The following SIK3 variants were observed in gnomAD, a reference collection of about 807,000 sequenced individuals.
SIK3 encodes the protein serine/threonine-protein kinase SIK3.
SIK3 carries 28 observed loss-of-function variants against 144.2 expected under a neutral mutation model. The ratio of observed to expected loss-of-function variants is 0.19; its 90% CI spans 0.14 to 0.27. The LOEUF (loss-of-function observed/expected upper bound fraction) is 0.27, where lower values mean the gene tolerates loss of function less well. Ranked by LOEUF, SIK3 falls within the 10% of genes least tolerant of loss-of-function variation. The pLI is 1.00. For missense variants in SIK3, 1,319 were observed against 1,776.0 expected, an observed-to-expected ratio of 0.74 and a Z score of 4.62; for synonymous variants, 686 against 676.3, an observed-to-expected ratio of 1.01 and a Z score of -0.22.
At chr11:117,065,466 A>G (rs1953969279) in intron 1 of SIK3, among the ~76,000 whole-genome samples, 1 of 152,218 alleles carries the variant, frequency 6.6e-6, no homozygotes, top group Admixed American at 6.5e-5. Flanking sequence ...TTTTGAAAAC[A>G]ATCCATGAAA....
At chr11:117,093,961 G>A (rs532563428) in intron 1 of SIK3, among the ~76,000 whole-genome samples, 11 of 152,206 alleles carry the variant, frequency 7.2e-5, no homozygotes, top group East Asian at 1.9e-4. Context: ...ATCTGATAAC[G>A]ATGATGATGA....
At chr11:116,932,441 T>A (rs1368260240) in intron 3 of SIK3, among the ~76,000 whole-genome samples, 4 of 152,324 alleles carry the variant, frequency 2.6e-5, no homozygotes, top group Admixed American at 1.3e-4. Context: ...TAGTTCTATG[T>A]CACTTTATCA....
At chr11:117,040,291 C>T (rs941750698) in intron 1 of SIK3, among the ~76,000 whole-genome samples, 6 of 152,148 alleles carry the variant, frequency 3.9e-5, no homozygotes, top group Admixed American at 1.3e-4. Flanking sequence ...GAGTAAGTTA[C>T]TCTACTTCTT....
chr11:117,046,071 T>C (rs1476962537), intron 1 of SIK3, among the ~76,000 whole-genome samples: 1 of 152,230 alleles, frequency 6.6e-6, no homozygotes, highest in East Asian at 1.9e-4. Context: ...TCATTGGTGG[T>C]AAGTGCAGTG....
Position 116,867,331 on chromosome 11 carries a change from T to G in SIK3, c.1952+615A>C, listed in dbSNP as rs943803339. Among the ~76,000 whole-genome samples, 4 of 152,246 alleles carry G rather than the reference T, an allele frequency of 2.6e-5. No homozygotes were observed. The highest frequency in any genetic ancestry group is 4.8e-5 in the African/African-American group (2 of 41,472). ...TGCTTCCAGGCTTACTTGGAGTCAATGAAGTTTTCTTGGTCAGGAAGGTTA... is the reference window on the plus strand; with the variant it reads ...TGCTTCCAGGCTTACTTGGAGTCAAGGAAGTTTTCTTGGTCAGGAAGGTTA... On this transcript the variant is annotated intron_variant, in intron 15 of 24. Coordinates refer to ENST00000445177, the MANE Select transcript of SIK3 (RefSeq NM_001366686.3). The surrounding 1 kb of genome is among the most constrained non-coding windows in gnomAD (Gnocchi z 4.1).
intron 6 of SIK3, among the ~76,000 whole-genome samples, chr11:116,892,867 A>AT (rs1364265255): frequency 6.6e-6 from 1 of 152,224 alleles, no homozygotes; most frequent in Non-Finnish European, 1.5e-5. Context: ...GCAAGGAAAT[A>AT]TTATTCAGTG....
intron 1 of SIK3, among the ~76,000 whole-genome samples, chr11:116,988,530 C>T (rs1950398704): frequency 6.6e-6 from 1 of 152,110 alleles, no homozygotes. Flanking sequence ...CCTATAATCC[C>T]AGCACTTTGG....
chr11:117,007,113 C>T (rs548503531), intron 1 of SIK3, among the ~76,000 whole-genome samples: 10 of 152,360 alleles, frequency 6.6e-5, no homozygotes, highest in Non-Finnish European at 1.5e-4. Context: ...CACAGTGGCT[C>T]ACGCCTGTAA....
chr11:117,036,568 C>G (rs1019722744), intron 1 of SIK3, among the ~76,000 whole-genome samples: 1 of 152,164 alleles, frequency 6.6e-6, no homozygotes, highest in Non-Finnish European at 1.5e-5. Flanking sequence ...CTGAGAATAG[C>G]TTCTATAAAG....
At chr11:116,900,616 C>T (rs189614068) in intron 4 of SIK3, among the ~76,000 whole-genome samples, 20 of 152,310 alleles carry the variant, frequency 1.3e-4, no homozygotes, top group Non-Finnish European at 2.2e-4. Context: ...AGACTATTCA[C>T]ATCCTGTGTT....
chr11:117,032,021 C>T (rs1396330367), intron 1 of SIK3, among the ~76,000 whole-genome samples: 2 of 152,050 alleles, frequency 1.3e-5, no homozygotes, highest in African/African-American at 4.8e-5. Context: ...CTTTTCTATT[C>T]TGTTTCATTG....
chr11:116,937,042 A>G (rs772767459), intron 3 of SIK3, among the ~76,000 whole-genome samples: 3 of 152,230 alleles, frequency 2.0e-5, no homozygotes, highest in Non-Finnish European at 4.4e-5. Flanking sequence ...GTGTCTAATG[A>G]CATTTAATCT....
intron 1 of SIK3, among the ~76,000 whole-genome samples, chr11:117,066,973 C>T (rs1954054699): frequency 6.6e-6 from 1 of 152,082 alleles, no homozygotes; most frequent in East Asian, 1.9e-4. Context: ...CCACAAGATA[C>T]CATGACACAA....
At chr11:116,918,226 G>A (rs750001384) in intron 4 of SIK3, among the ~76,000 whole-genome samples, 5 of 152,106 alleles carry the variant, frequency 3.3e-5, no homozygotes, top group Non-Finnish European at 7.4e-5. Context: ...TCAATGCTGT[G>A]CCCAACACAG....
intron 1 of SIK3, among the ~76,000 whole-genome samples, chr11:117,061,674 C>T (rs1462070639): frequency 3.3e-5 from 5 of 152,158 alleles, no homozygotes; most frequent in African/African-American, 1.2e-4. Context: ...GCCACTCCAG[C>T]CCTACTGAGT....
Position 116,997,176 on chromosome 11 carries a change from C to T in SIK3, c.274-40112G>A, listed in dbSNP as rs896128445. On this transcript the variant is annotated intron_variant, in intron 1 of 24. Transcript: ENST00000445177. ...GATATCTTCACTGCCAGTCTTCCTTCACCTTGCCATACACTTGACTCCTTG... is the reference window on the plus strand; with the variant it reads ...GATATCTTCACTGCCAGTCTTCCTTTACCTTGCCATACACTTGACTCCTTG... 3.3e-5 allele frequency among the ~76,000 whole-genome samples: 5 copies of T among 152,210 alleles called. No individual in the cohort carries two copies. In the East Asian group the frequency reaches 9.6e-4, roughly 29 times the overall value.
chr11:116,927,255 A>C lies in SIK3; in HGVS notation c.580T>G (p.Leu194Val). 1 of 1,614,004 alleles carries C rather than the reference A, an allele frequency of 6.2e-7. No homozygotes were observed. Among genetic ancestry groups the C allele is most frequent in the Non-Finnish European group, 8.5e-7 (1 of 1,179,920 alleles). ...ATATTCAGATTGGCATCCAGAAGTAAATTTTCAGCTTTTAAATCACGATGA... is the reference window on the plus strand; with the variant it reads ...ATATTCAGATTGGCATCCAGAAGTACATTTTCAGCTTTTAAATCACGATGA... ...IVHRDLKAENLLLDANLNIKI... is the reference protein window; with the variant it reads ...IVHRDLKAENVLLDANLNIKI... The change falls in exon 4 of 25, where the codon TTA (leucine) becomes GTA (valine). Residue 194 changes from leucine (L) to valine (V), a missense_variant. Transcript: ENST00000445177.
intron 10 of SIK3, 50 bp from the exon 11 acceptor site, chr11:116,875,317 C>A (rs781154160): frequency 5.6e-6 from 9 of 1,612,940 alleles, no homozygotes; most frequent in Non-Finnish European, 7.6e-6. Flanking sequence ...GGAAGGGAAG[C>A]AAGGATATGG....
chr11:117,093,705 TTA>T, intron 1 of SIK3, among the ~76,000 whole-genome samples: 1 of 152,080 alleles, frequency 6.6e-6, no homozygotes, highest in South Asian at 2.1e-4. Flanking sequence ...TAATGAAAAT[TTA>T]TGTTTTAAAA....
Sources: gnomAD v4.1 joint callset for allele counts (sites outside exome capture counted in the v4.1 genomes callset) on GRCh38, gnomAD v4.1.1 for gene constraint, Gnocchi (gnomAD v3.1) non-coding constraint, MANE v1.5 for transcripts, NCBI Gene and HGNC (gene_info 2026-07-23, HGNC 2026-07-21) for gene names.